FAM185A: variants seen among roughly 807,000 people sequenced by gnomAD.
FAM185A encodes the protein protein FAM185A.
FAM185A carries 21 observed loss-of-function variants against 45.7 expected under a neutral mutation model. The ratio of observed to expected loss-of-function variants is 0.46; its 90% CI spans 0.33 to 0.66. The LOEUF is 0.66. Ranked by LOEUF, FAM185A falls within the 30% of genes least tolerant of loss-of-function variation. The probability of loss-of-function intolerance (pLI) is 0.03; values close to 1 mark genes in which losing one functional copy is unlikely to be tolerated. For missense variants in FAM185A, 305 were observed against 485.4 expected, an observed-to-expected ratio of 0.63 and a Z score of 3.49; for synonymous variants, 117 against 194.0, an observed-to-expected ratio of 0.60 and a Z score of 3.30.
rs1380289238 is a variant in FAM185A at position 102,755,812 on chromosome 7, A to G, written c.562-2042A>G. On this transcript the variant is annotated intron_variant, in intron 2 of 7. Transcript: ENST00000413034. ...AAGCTGATGGAAGCTATCGGGACCA[A>G]TTACAATGCCAGATACGATGAGACC... 5.2e-5 allele frequency: 35 copies of G among 676,440 alleles called. 1 individual carries two copies. Among genetic ancestry groups the G allele is most frequent in the Non-Finnish European group, 8.1e-5 (30 of 369,682 alleles). 41.9% of individuals were successfully genotyped at this position (676,440 alleles called of 1,614,324 possible).
chr7:102,749,812 C>A (rs1031345506), intron 1 of FAM185A, among the ~76,000 whole-genome samples, 154 bp downstream of exon 1: 1 of 152,166 alleles, frequency 6.6e-6, no homozygotes, highest in African/African-American at 2.4e-5. Flanking sequence ...CTGTTCTGTT[C>A]TTGAGTGTCC....
downstream of FAM185A, among the ~76,000 whole-genome samples, chr7:102,813,856 T>C (rs7779121): frequency 0.13 from 19,185 of 152,092 alleles, 1,425 homozygotes; most frequent in East Asian, 0.31. Context: ...GTATTTCTAG[T>C]TTCTCTGATG....
At chr7:102,849,993 G>A in the FAM185A span, among the ~76,000 whole-genome samples, 2 of 150,314 alleles carry the variant, frequency 1.3e-5, no homozygotes, top group Admixed American at 1.3e-4. Context: ...CATGTATCCT[G>A]TTTTGTTTTG....
Position 102,793,207 on chromosome 7 carries a change from T to TG in FAM185A, c.1066+5738_1066+5739insG, listed in dbSNP as rs1272623319. 1.7e-3 allele frequency among the ~76,000 whole-genome samples: 251 copies of TG among 151,564 alleles called. 1 individual carries two copies. Among genetic ancestry groups the TG allele is most frequent in the Non-Finnish European group, 3.0e-3 (203 of 67,670 alleles). The stretch of plus-strand genomic sequence containing the variant: ...TCATAGTGCTTTTATGGTGTTTTTT[T>TG]TTTGTTGTTGTTGTTGTTTTTTGAG... On this transcript the variant is annotated intron_variant, in intron 7 of 7. Coordinates refer to ENST00000413034, the MANE Select transcript of FAM185A (RefSeq NM_001145268.2).
chr7:102,821,537 A>C, the FAM185A span, among the ~76,000 whole-genome samples: 1 of 152,170 alleles, frequency 6.6e-6, no homozygotes, highest in African/African-American at 2.4e-5. Context: ...GATAATATTA[A>C]TTCATAGTAT....
chr7:102,845,057 G>C, the FAM185A span, among the ~76,000 whole-genome samples: 1 of 152,094 alleles, frequency 6.6e-6, no homozygotes, highest in Non-Finnish European at 1.5e-5. Flanking sequence ...CGCCAACCTG[G>C]AAGTACTCTA....
the FAM185A span, among the ~76,000 whole-genome samples, chr7:102,821,218 T>C: frequency 6.6e-6 from 1 of 152,154 alleles, no homozygotes; most frequent in South Asian, 2.1e-4. Context: ...TCCAGACCTA[T>C]CAGGAAGGGT....
At chr7:102,817,811 C>T in the FAM185A span, among the ~76,000 whole-genome samples, 1 of 152,142 alleles carries the variant, frequency 6.6e-6, no homozygotes, top group East Asian at 1.9e-4. Context: ...TCTTTGACTG[C>T]ATTCCATTCT....
intron 7 of FAM185A, among the ~76,000 whole-genome samples, chr7:102,803,288 TACTA>T (rs1796902031): frequency 6.6e-6 from 1 of 152,132 alleles, no homozygotes; most frequent in South Asian, 2.1e-4. Flanking sequence ...CTTAACAAAA[TACTA>T]GCTAACCGAA....
At chr7:102,796,662 T>A (rs1447110995) in intron 7 of FAM185A, among the ~76,000 whole-genome samples, 1 of 152,198 alleles carries the variant, frequency 6.6e-6, no homozygotes, top group African/African-American at 2.4e-5. Context: ...GGTTTCAATG[T>A]CTAGCATTGA....
chr7:102,819,456 C>T, the FAM185A span, among the ~76,000 whole-genome samples: 2 of 152,106 alleles, frequency 1.3e-5, no homozygotes, highest in Non-Finnish European at 2.9e-5. Flanking sequence ...CAAAAGTTTG[C>T]TACTCCTCTG....
the FAM185A span, among the ~76,000 whole-genome samples, chr7:102,832,109 G>A: frequency 6.6e-6 from 1 of 152,140 alleles, no homozygotes; most frequent in Non-Finnish European, 1.5e-5. Flanking sequence ...GTTATGTCCA[G>A]GTGGTGACAG....
At chr7:102,755,150 C>G in intron 2 of FAM185A, 1 of 372,486 alleles carries the variant, frequency 2.7e-6, no homozygotes, top group Non-Finnish European at 4.8e-6. Context: ...CCCAAGATGC[C>G]GAAAGGAAAG....
intron 7 of FAM185A, among the ~76,000 whole-genome samples, chr7:102,799,969 C>G (rs1275639223): frequency 6.6e-6 from 1 of 152,106 alleles, no homozygotes; most frequent in Admixed American, 6.5e-5. Context: ...TAAGAGGACC[C>G]ACAGACCCTC....
chr7:102,749,042 A>T lies in FAM185A; in HGVS notation c.-166A>T. 1 of 1,074,048 alleles carries T rather than the reference A, an allele frequency of 9.3e-7. No homozygotes were observed. The highest frequency in any genetic ancestry group is 1.4e-5 in the South Asian group (1 of 73,786). The allele number at this position is 1,074,048 out of a possible 1,614,324, so 66.5% of individuals were successfully genotyped here. Reference sequence around the variant, plus strand: ...CTTGCCCCTGGGGATTGCGCGGCTGATGTTTAGAACGCCTAGTCAAGCCAA... The same window carrying T: ...CTTGCCCCTGGGGATTGCGCGGCTGTTGTTTAGAACGCCTAGTCAAGCCAA... On this transcript the variant is annotated 5_prime_UTR_variant, in exon 1 of 8. It removes an upstream start codon present in the reference 5' UTR. Transcript: ENST00000413034.
chr7:102,815,435 C>T, the FAM185A span, among the ~76,000 whole-genome samples: 2 of 152,136 alleles, frequency 1.3e-5, no homozygotes, highest in Non-Finnish European at 2.9e-5. Flanking sequence ...AAGGGAAGTC[C>T]TTTAACCCTC....
chr7:102,786,390 C>T (rs1352421100), intron 6 of FAM185A, among the ~76,000 whole-genome samples: 10 of 152,238 alleles, frequency 6.6e-5, no homozygotes, highest in Non-Finnish European at 8.8e-5. Flanking sequence ...GTATGTTTAT[C>T]GTGGCACTAT....
intron 7 of FAM185A, among the ~76,000 whole-genome samples, chr7:102,791,703 A>C (rs1463282106): frequency 6.6e-6 from 1 of 152,094 alleles, no homozygotes; most frequent in South Asian, 2.1e-4. Flanking sequence ...CTGATAGCAA[A>C]TTAAATCCAT....
intron 2 of FAM185A, chr7:102,755,636 G>C: frequency 3.4e-6 from 2 of 589,964 alleles, no homozygotes; most frequent in South Asian, 1.8e-5. Context: ...CCATTGAGCT[G>C]ACTGTTTTCC....
Sources: gnomAD v4.1 joint callset for allele counts (sites outside exome capture counted in the v4.1 genomes callset) on GRCh38, gnomAD v4.1.1 for gene constraint, MANE v1.5 for transcripts, NCBI Gene and HGNC (gene_info 2026-07-23, HGNC 2026-07-21) for gene names.